Variants in ATP13A1 observed in about 807,000 individuals in gnomAD.
The protein encoded by ATP13A1 is ATPase 13A1, also known as endoplasmic reticulum transmembrane helix translocase.
ATP13A1 carries 55 observed loss-of-function variants against 134.8 expected under a neutral mutation model. The ratio of observed to expected loss-of-function variants is 0.41; its 90% CI spans 0.33 to 0.51. The LOEUF is 0.51. Ranked by LOEUF, ATP13A1 falls within the 20% of genes least tolerant of loss-of-function variation. The pLI, the probability that ATP13A1 is intolerant of heterozygous loss-of-function variation, is 0.29. For synonymous variants in ATP13A1, 775 were observed against 725.1 expected (o/e 1.07, Z -1.10); for missense variants, 1,389 against 1,652.8 (o/e 0.84, Z 2.77).
chr19:19,660,009 T>C lies in ATP13A1; in HGVS notation c.397-22A>G, dbSNP rs201866138. On this transcript the variant is annotated intron_variant, in intron 1 of 25. Coordinates refer to ENST00000357324, the MANE Select transcript of ATP13A1 (RefSeq NM_020410.3). ...ACTCCTGACAGAGACAAAGAAAGCA[T>C]TGTGGCTTAGCTCTTCTCAACCTAC... 6.3e-5 allele frequency: 98 copies of C among 1,548,256 alleles called. 1 individual carries two copies. The highest frequency in any genetic ancestry group is 2.3e-4 in the African/African-American group (17 of 72,822).
At chr19:19,657,811 C>T (rs2062069245) in intron 3 of ATP13A1, among the ~76,000 whole-genome samples, 1 of 152,014 alleles carries the variant, frequency 6.6e-6, no homozygotes, top group African/African-American at 2.4e-5. Context: ...ACACTGAGAC[C>T]CAGCCCCACC....
Position 19,649,682 on chromosome 19 carries a change from G to T in ATP13A1, c.2536-19C>A. The T allele has an allele frequency of 2.5e-6, 4 of 1,613,732 alleles. No individual in the cohort carries two copies. The highest frequency in any genetic ancestry group is 3.4e-6 in the Non-Finnish European group (4 of 1,179,778). Reference sequence around the variant, plus strand: ...CAAACTCCTGTATGGGCGGAGACAGGCTGAGCAGGGGCTGCGTGCCTACCG... The same window carrying T: ...CAAACTCCTGTATGGGCGGAGACAGTCTGAGCAGGGGCTGCGTGCCTACCG... On this transcript the variant is annotated intron_variant, in intron 18 of 25. Transcript: ENST00000357324.
In ATP13A1 at chr19:19,655,625, C is replaced by A. The variant is rs953664403; in HGVS notation, c.1299G>T (p.Gly433=). 1.9e-6 allele frequency: 3 copies of A among 1,613,586 alleles called. No homozygotes were observed. The Admixed American group carries it at 5.0e-5, about 27-fold the overall frequency. Residue 433 remains glycine, a synonymous_variant, in exon 10 of 26, where the codon GGG becomes GGT. Transcript: ENST00000357324. This position sits in a 1 kb window ranked among gnomAD's most constrained non-coding sequence, Gnocchi z 5.7. Reference sequence around the variant, plus strand: ...GGTTGTTCGCAGTCACCCTCTTGACCCCGAAGAGGATGGTGCGCAGCAGCT... The same window carrying A: ...GGTTGTTCGCAGTCACCCTCTTGACACCGAAGAGGATGGTGCGCAGCAGCT... ...QGKLLRTILF[G]VKRVTANNLE...
Position 19,647,700 on chromosome 19 carries a change from C to A in ATP13A1, c.2692G>T (p.Asp898Tyr). 6.2e-7 allele frequency: 1 copy of A among 1,610,828 alleles called. No homozygotes were observed. ...CCACTGTTGCTCAGGGTTGGGCTGT[C>A]CCGGGGCCGCCGTCGCCGCTCGACA... is the stretch of plus-strand genomic sequence containing the variant. Reference protein sequence around the residue: ...RVVERRRRPRDSPTLSNSGIR... With the variant: ...RVVERRRRPRYSPTLSNSGIR... Residue 898 changes from aspartate (D) to tyrosine (Y), a missense_variant, in exon 20 of 26, where the codon GAC becomes TAC. By Grantham distance (160) the Asp-to-Tyr change is radical. Around this residue, in one of 4 missense-constraint regions of ATP13A1, gnomAD observed 121 missense variants for 104.9 expected, o/e 1.15. Transcript: ENST00000357324. The surrounding 1 kb of genome is among the most constrained non-coding windows in gnomAD (Gnocchi z 4.8).
chr19:19,653,616 TG>T lies in ATP13A1; in HGVS notation c.2100+167del. ...AGGACTGGGTGGGTCCCCACAGCAG[TG>T]GACAGACTGAGTGCCATTTGGAGTC... On this transcript the variant is annotated intron_variant, in intron 15 of 25. Coordinates refer to ENST00000357324, the MANE Select transcript of ATP13A1 (RefSeq NM_020410.3). This position sits in a 1 kb window ranked among gnomAD's most constrained non-coding sequence, Gnocchi z 4.2. The T allele has an allele frequency of 1.5e-6, 1 of 671,678 alleles. No homozygotes were observed. Among genetic ancestry groups the T allele is most frequent in the Non-Finnish European group, 2.5e-6 (1 of 400,030 alleles). The allele number at this position is 671,678 out of a possible 1,614,324, so 41.6% of individuals were successfully genotyped here. A position where few individuals can be genotyped will look rare whatever the true frequency, so the allele number is the denominator to read the frequency against.
At position 19,653,012 on chromosome 19, in the gene ATP13A1, G is replaced by A. The variant is rs984201709; in HGVS notation, c.2101-292C>T. 4.9e-6 allele frequency: 2 copies of A among 405,624 alleles called. No individual in the cohort carries two copies. The highest frequency in any genetic ancestry group is 2.9e-5 in the South Asian group (1 of 34,130). The allele number at this position is 405,624 out of a possible 1,614,324, so 25.1% of individuals were successfully genotyped here. ...CTTGTGGCTCAGCTTCCAAGTCAAT[G>A]AAGTAGGGACTCTCCCAATAATGTT... is the stretch of plus-strand genomic sequence containing the variant. On this transcript the variant is annotated intron_variant, in intron 15 of 25. Transcript: ENST00000357324. This position sits in a 1 kb window ranked among gnomAD's most constrained non-coding sequence, Gnocchi z 4.2.
intron 16 of ATP13A1, among the ~76,000 whole-genome samples, chr19:19,652,325 C>T (rs990825927): frequency 1.3e-5 from 2 of 152,174 alleles, no homozygotes; most frequent in African/African-American, 4.8e-5. Flanking sequence ...TCCAGGACGG[C>T]GGTGGAACGG....
chr19:19,655,061 C>A lies in ATP13A1; in HGVS notation c.1655+58G>T. Reference sequence around the variant, plus strand: ...CTTGGGGTGGATGGGCCACCTGTCTCTCGACTTCCCAGAAACCCCATCTGG... The same window carrying A: ...CTTGGGGTGGATGGGCCACCTGTCTATCGACTTCCCAGAAACCCCATCTGG... On this transcript the variant is annotated intron_variant, in intron 12 of 25. Transcript: ENST00000357324. This position sits in a 1 kb window ranked among gnomAD's most constrained non-coding sequence, Gnocchi z 5.7. 1 of 1,601,594 alleles carries A rather than the reference C, an allele frequency of 6.2e-7. No individual in the cohort carries two copies. Among genetic ancestry groups the A allele is most frequent in the South Asian group, 1.1e-5 (1 of 89,540 alleles).
chr19:19,652,054 G>T (rs748888231), intron 16 of ATP13A1, among the ~76,000 whole-genome samples: 1 of 152,074 alleles, frequency 6.6e-6, no homozygotes, highest in Non-Finnish European at 1.5e-5. Context: ...CTGCCCCTGA[G>T]GTGGACCCTT....
At chr19:19,649,530 C>T (rs1252649065) in intron 19 of ATP13A1, 37 bp downstream of exon 19, 4 of 1,594,792 alleles carry the variant, frequency 2.5e-6, no homozygotes, top group Non-Finnish European at 3.4e-6. Flanking sequence ...CTCAACACCT[C>T]GTCCACAAAC....
At chr19:19,654,460 G>T (rs892036) in intron 13 of ATP13A1, 83 bp downstream of exon 13, 2 of 1,468,428 alleles carry the variant, frequency 1.4e-6, no homozygotes, top group Non-Finnish European at 9.0e-7. Flanking sequence ...TCCCCAAGAT[G>T]CTCTGAGGGG....
intron 1 of ATP13A1, among the ~76,000 whole-genome samples, chr19:19,660,209 C>A (rs1273813975): frequency 6.6e-6 from 1 of 152,222 alleles, no homozygotes; most frequent in Non-Finnish European, 1.5e-5. Context: ...AGGCTGGGCA[C>A]GGTGACTCAC....
chr19:19,649,460 T>C (rs2062009884), intron 19 of ATP13A1, 107 bp downstream of exon 19: 2 of 1,170,670 alleles, frequency 1.7e-6, no homozygotes, highest in Non-Finnish European at 2.5e-6. Flanking sequence ...CTCACAGGAA[T>C]TAGTGCCCCC....
intron 1 of ATP13A1, among the ~76,000 whole-genome samples, chr19:19,662,582 T>C (rs112891911): frequency 0.019 from 2,921 of 152,282 alleles, 47 homozygotes; most frequent in South Asian, 0.046. Flanking sequence ...CCGACGACAC[T>C]TGGTCACTCA....
intron 3 of ATP13A1, among the ~76,000 whole-genome samples, chr19:19,658,879 G>A (rs117407941): frequency 0.019 from 2,834 of 152,190 alleles, 54 homozygotes; most frequent in Non-Finnish European, 0.025. Flanking sequence ...GATTTAGGAG[G>A]ACTGCTTGAG....
Position 19,662,694 on chromosome 19 carries a change from T to C in ATP13A1, c.396+577A>G, listed in dbSNP as rs971846238. ...ATTTTGCGGAAAGACATCATGTAAA[T>C]GACTCGCTCATAAACACCTCTGCCT... On this transcript the variant is annotated intron_variant, in intron 1 of 25. Coordinates refer to ENST00000357324, the MANE Select transcript of ATP13A1 (RefSeq NM_020410.3). Among the ~76,000 whole-genome samples the C allele has an allele frequency of 1.5e-4, 23 of 152,342 alleles. No homozygotes were observed. In the East Asian group the frequency reaches 3.5e-3, roughly 23 times the overall value.
chr19:19,658,384 C>G (rs1301352843), intron 3 of ATP13A1, among the ~76,000 whole-genome samples: 4 of 152,126 alleles, frequency 2.6e-5, no homozygotes, highest in Non-Finnish European at 4.4e-5. Context: ...TTGTATCTTG[C>G]TGGGTACCTT....
At position 19,646,223 on chromosome 19, in the gene ATP13A1, T is replaced by C. The variant is rs745639999; in HGVS notation, c.3230A>G (p.Gln1077Arg). 1.1e-5 allele frequency: 17 copies of C among 1,613,902 alleles called. No homozygotes were observed. In the South Asian group the frequency reaches 1.3e-4, roughly 13 times the overall value. Residue 1077 changes from glutamine to arginine, a missense_variant, in exon 23 of 26, where the codon CAG (glutamine) becomes CGG (arginine). Transcript: ENST00000357324. ...CACTTACTTCTCGGGGCTCCGGGCCTGGGCCTCACGGTACAGGTAGACAAG... is the reference window on the plus strand; with the variant it reads ...CACTTACTTCTCGGGGCTCCGGGCCCGGGCCTCACGGTACAGGTAGACAAG... ...LSLVYLYREAQARSPEKQEQF... is the reference protein window; with the variant it reads ...LSLVYLYREARARSPEKQEQF...
Position 19,645,244 on chromosome 19 carries a change from G to A in ATP13A1, c.*178C>T. ...CTTTATTTACCAAAGGTGCTGGCTT[G>A]GGGCTGGTTCTGCTGGCCAAGCCAG... is the stretch of plus-strand genomic sequence containing the variant. On this transcript the variant is annotated 3_prime_UTR_variant, in exon 26 of 26. Coordinates refer to ENST00000357324, the MANE Select transcript of ATP13A1 (RefSeq NM_020410.3). This position sits in a 1 kb window ranked among gnomAD's most constrained non-coding sequence, Gnocchi z 4.1. 3 of 665,948 alleles carry A rather than the reference G, an allele frequency of 4.5e-6. No homozygotes were observed. Among genetic ancestry groups the A allele is most frequent in the Non-Finnish European group, 7.8e-6 (3 of 385,984 alleles). 41.3% of individuals were successfully genotyped at this position (665,948 alleles called of 1,614,324 possible).
Sources: allele counts gnomAD v4.1 joint callset (sites outside exome capture counted in the v4.1 genomes callset), GRCh38; gene constraint gnomAD v4.1.1; regional missense constraint gnomAD v4.1.1; non-coding constraint Gnocchi (gnomAD v3.1); transcripts MANE v1.5; gene names NCBI Gene and HGNC (gene_info 2026-07-23, HGNC 2026-07-21).